The following ATP5PF variants were observed in gnomAD, a reference collection of about 807,000 sequenced individuals.
ATP5PF encodes the protein ATP synthase peripheral stalk subunit F6, mitochondrial.
ATP5PF carries 7 observed loss-of-function variants against 12.0 expected under a neutral mutation model. The ratio of observed to expected loss-of-function variants is 0.58; its 90% CI spans 0.33 to 1.10. The LOEUF (loss-of-function observed/expected upper bound fraction) is 1.10, where lower values mean the gene tolerates loss of function less well. Ranked by LOEUF, ATP5PF falls within the 50% of genes least tolerant of loss-of-function variation. The pLI, the probability that ATP5PF is intolerant of heterozygous loss-of-function variation, is 0.03. For missense variants in ATP5PF, 120 were observed against 127.7 expected (o/e 0.94, Z 0.29); for synonymous variants, 41 against 45.4 (o/e 0.90, Z 0.39).
chr21:25,734,229 G>A, intron 1 of ATP5PF: 3 of 742,948 alleles, frequency 4.0e-6, no homozygotes, highest in Non-Finnish European at 4.9e-6. Flanking sequence ...GATAGCGTCT[G>A]ACATGATCAG....
At chr21:25,724,805 T>C (rs562707139) in intron 3 of ATP5PF, 128 bp from the exon 4 acceptor site, 25 of 908,276 alleles carry the variant, frequency 2.8e-5, no homozygotes, top group African/African-American at 2.6e-4. Context: ...AACATTTACA[T>C]AGAAATATAG....
chr21:25,735,351 G>A, upstream of ATP5PF: 1 of 224,522 alleles, frequency 4.5e-6, no homozygotes, highest in Non-Finnish European at 9.0e-6. Flanking sequence ...GTCGTTTTGC[G>A]CACCCTGCCG....
At chr21:25,729,917 A>G (rs1400567106) in intron 1 of ATP5PF, 116 bp from the exon 2 acceptor site, 2 of 1,182,404 alleles carry the variant, frequency 1.7e-6, no homozygotes, top group Admixed American at 2.8e-5. Context: ...ATCAGATCTC[A>G]GTCTATACCT....
chr21:25,731,112 C>G (rs897481733), intron 1 of ATP5PF, among the ~76,000 whole-genome samples: 2 of 152,062 alleles, frequency 1.3e-5, no homozygotes, highest in African/African-American at 2.4e-5. Context: ...CGTGCTAGCG[C>G]GTGCCTGTAA....
chr21:25,734,768 AGGTGAGAGGC>A, intron 1 of ATP5PF, 75 bp downstream of exon 1: 2 of 1,333,890 alleles, frequency 1.5e-6, no homozygotes, highest in Non-Finnish European at 2.0e-6. Flanking sequence ...CTCCTAGTAA[AGGTGAGAGGC>A]AGCCCAGGCC....
chr21:25,729,990 C>G (rs574435954), intron 1 of ATP5PF, among the ~76,000 whole-genome samples, 189 bp from the exon 2 acceptor site: 3 of 152,166 alleles, frequency 2.0e-5, no homozygotes, highest in African/African-American at 7.2e-5. Context: ...AACCAAAAGG[C>G]TCTGGGATAA....
chr21:25,728,660 A>G (rs1406512709), intron 2 of ATP5PF, among the ~76,000 whole-genome samples: 1 of 152,140 alleles, frequency 6.6e-6, no homozygotes, highest in Non-Finnish European at 1.5e-5. Flanking sequence ...TTTTCTTTAA[A>G]CTGGGAAGAT....
At chr21:25,724,792 G>T in intron 3 of ATP5PF, 115 bp from the exon 4 acceptor site, 1 of 1,033,560 alleles carries the variant, frequency 9.7e-7, no homozygotes, top group Non-Finnish European at 1.4e-6. Context: ...AACACTGTTT[G>T]TAAACATTTA....
At chr21:25,735,150 G>T (rs948771837), upstream of ATP5PF, 12 of 654,840 alleles carry the variant, frequency 1.8e-5, no homozygotes, top group African/African-American at 2.1e-4. Context: ...TCCCCTCCTT[G>T]AAACCTTGCT....
At chr21:25,735,015 C>G (rs1316548346), upstream of ATP5PF, 27 of 1,531,308 alleles carry the variant, frequency 1.8e-5, no homozygotes, top group Non-Finnish European at 2.3e-5. Flanking sequence ...CGGAGACAGT[C>G]TGCGACCGGA....
At chr21:25,725,017 T>G (rs2034578645) in intron 3 of ATP5PF, 1 of 665,270 alleles carries the variant, frequency 1.5e-6, no homozygotes, top group East Asian at 3.0e-5. Flanking sequence ...CGATTTCAGA[T>G]CCCCACCATT....
intron 1 of ATP5PF, among the ~76,000 whole-genome samples, chr21:25,730,700 C>G (rs1449910179): frequency 8.4e-6 from 1 of 118,890 alleles, no homozygotes; most frequent in East Asian, 2.9e-4. Flanking sequence ...TGCCATTGCA[C>G]TCCAGCCTGG....
intron 3 of ATP5PF, chr21:25,724,999 G>C: frequency 1.6e-6 from 1 of 613,014 alleles, no homozygotes; most frequent in South Asian, 2.2e-5. Flanking sequence ...ATTCAAGATT[G>C]GGCAGTTCGA....
At chr21:25,732,900 TG>T (rs1471728000) in intron 1 of ATP5PF, among the ~76,000 whole-genome samples, 1 of 136,860 alleles carries the variant, frequency 7.3e-6, no homozygotes, top group Non-Finnish European at 1.5e-5. Flanking sequence ...GGAGATTCCT[TG>T]AACCCAGGAG....
Position 25,724,535 on chromosome 21 carries a change from T to TA in ATP5PF, c.*104dup. 7.8e-7 allele frequency: 1 copy of TA among 1,281,214 alleles called. No homozygotes were observed. The highest frequency in any genetic ancestry group is 1.1e-6 in the Non-Finnish European group (1 of 908,106). 79.4% of individuals were successfully genotyped at this position (1,281,214 alleles called of 1,614,324 possible). A position where few individuals can be genotyped will look rare whatever the true frequency, so the allele number is the denominator to read the frequency against. ...CAAATAATTTATTTGGACTCAGAAT[T>TA]AAAAGAACATTTGACAGTTATGAAA... On this transcript the variant is annotated 3_prime_UTR_variant, in exon 4 of 4. Coordinates refer to ENST00000284971, the MANE Select transcript of ATP5PF (RefSeq NM_001003703.2).
chr21:25,732,888 C>T lies in ATP5PF; in HGVS notation c.-8+1965G>A, dbSNP rs146522251. Among the ~76,000 whole-genome samples, 940 of 140,126 alleles carry T rather than the reference C, an allele frequency of 6.7e-3. 5 individuals are homozygous for T. Among genetic ancestry groups the T allele is most frequent in the Non-Finnish European group, 0.01 (677 of 66,240 alleles). The allele number at this position is 140,126 out of a possible 152,430, so 91.9% of individuals were successfully genotyped here. ...ATCCCAGCTACTCAGGAGGCTGAGG[C>T]AGGAGATTCCTTGAACCCAGGAGGC... is the stretch of plus-strand genomic sequence containing the variant. On this transcript the variant is annotated intron_variant, in intron 1 of 3. Coordinates refer to ENST00000284971, the MANE Select transcript of ATP5PF (RefSeq NM_001003703.2).
At chr21:25,726,334 G>A (rs2034619490) in intron 2 of ATP5PF, among the ~76,000 whole-genome samples, 1 of 152,204 alleles carries the variant, frequency 6.6e-6, no homozygotes, top group Non-Finnish European at 1.5e-5. Flanking sequence ...TGCTGTAAAG[G>A]AGTGATGTGA....
At chr21:25,728,855 C>A (rs545326425) in intron 2 of ATP5PF, among the ~76,000 whole-genome samples, 129 of 152,096 alleles carry the variant, frequency 8.5e-4, no homozygotes, top group South Asian at 7.5e-3. Flanking sequence ...TGCTTAGAAG[C>A]TTTCTACTCC....
intron 2 of ATP5PF, among the ~76,000 whole-genome samples, chr21:25,728,796 G>A (rs1212039785): frequency 6.6e-6 from 1 of 152,072 alleles, no homozygotes; most frequent in East Asian, 1.9e-4. Flanking sequence ...AGCACCCAGC[G>A]TTTCCCTACC....
Sources: gnomAD v4.1 joint callset for allele counts (sites outside exome capture counted in the v4.1 genomes callset) on GRCh38, gnomAD v4.1.1 for gene constraint, MANE v1.5 for transcripts, NCBI Gene and HGNC (gene_info 2026-07-23, HGNC 2026-07-21) for gene names.